WDR43: variants seen among roughly 807,000 people sequenced by gnomAD.
WDR43 encodes the protein WD repeat-containing protein 43.
In WDR43, 13 loss-of-function variants were observed where a neutral mutation model predicts 91.4. The ratio of observed to expected loss-of-function variants is 0.14; its 90% CI spans 0.09 to 0.23. The LOEUF is 0.23. Ranked by LOEUF, WDR43 falls within the 10% of genes least tolerant of loss-of-function variation. The pLI is 1.00. For synonymous variants in WDR43, 331 were observed against 287.9 expected (o/e 1.15, Z -1.51); for missense variants, 780 against 809.4 (o/e 0.96, Z 0.44).
intron 8 of WDR43, among the ~76,000 whole-genome samples, chr2:28,925,640 A>G (rs1005024808): frequency 6.6e-6 from 1 of 152,228 alleles, no homozygotes; most frequent in Non-Finnish European, 1.5e-5. Context: ...ATTGTTTACT[A>G]GAGACGTTTC....
chr2:28,926,668 C>G (rs1671149437), intron 9 of WDR43, 114 bp downstream of exon 9: 1 of 901,788 alleles, frequency 1.1e-6, no homozygotes, highest in South Asian at 2.3e-5. Flanking sequence ...TATCTTTATT[C>G]TCTTGTCTTA....
chr2:28,929,222 T>C (rs1378439113), intron 10 of WDR43, among the ~76,000 whole-genome samples: 2 of 152,180 alleles, frequency 1.3e-5, no homozygotes, highest in African/African-American at 4.8e-5. Context: ...GGGATAGTTA[T>C]AGTGGGGCAA....
At chr2:28,922,821 G>A (rs1247646601) in intron 6 of WDR43, 98 bp from the exon 7 acceptor site, 3 of 391,490 alleles carry the variant, frequency 7.7e-6, no homozygotes, top group Middle Eastern at 4.3e-4. Flanking sequence ...TTTTCTGGTT[G>A]TGTAATGGGG....
chr2:28,894,960 C>T (rs1222016952), intron 1 of WDR43, 37 bp downstream of exon 1: 1 of 1,485,522 alleles, frequency 6.7e-7, no homozygotes, highest in Non-Finnish European at 9.0e-7. Context: ...GGGCGCCTTC[C>T]CGGGCTCGGC....
chr2:28,912,623 C>A lies in WDR43; in HGVS notation c.519C>A (p.Ser173=), dbSNP rs116933549. The part of the protein sequence containing the change: ...KWKGDNSSVS[S]LCISPDGKML... Reference sequence around the variant, plus strand: ...AAGGCGACAATAGCAGTGTCAGTTCCCTATGTATCAGCCCAGATGGAAAGA... The same window carrying A: ...AAGGCGACAATAGCAGTGTCAGTTCACTATGTATCAGCCCAGATGGAAAGA... Residue 173 remains serine, a synonymous_variant, in exon 4 of 18, where the codon TCC becomes TCA. Coordinates refer to ENST00000407426, the MANE Select transcript of WDR43 (RefSeq NM_015131.3). The A allele has an allele frequency of 3.0e-4, 492 of 1,613,860 alleles. 3 individuals carry two copies. The East Asian group carries it at 8.2e-3, about 27-fold the overall frequency.
intron 1 of WDR43, among the ~76,000 whole-genome samples, chr2:28,900,813 A>G (rs994658345): frequency 1.5e-5 from 2 of 132,786 alleles, no homozygotes; most frequent in Non-Finnish European, 3.5e-5. Flanking sequence ...AGGACTTGCA[A>G]GATGTGTATT....
intron 3 of WDR43, among the ~76,000 whole-genome samples, chr2:28,908,477 T>C (rs1670726771): frequency 6.6e-6 from 1 of 152,102 alleles, no homozygotes; most frequent in African/African-American, 2.4e-5. Context: ...AGGTCTGGGG[T>C]AGGGCCTGTG....
chr2:28,895,496 C>G (rs1670462680), intron 1 of WDR43: 2 of 152,324 alleles, frequency 1.3e-5, no homozygotes, highest in Admixed American at 6.5e-5. Flanking sequence ...CCTCTACATT[C>G]TCAGCTTTTT....
At chr2:28,916,898 A>G (rs774406360) in intron 5 of WDR43, among the ~76,000 whole-genome samples, 3 of 151,954 alleles carry the variant, frequency 2.0e-5, no homozygotes, top group Middle Eastern at 3.4e-3. Flanking sequence ...CTATTTAAAG[A>G]TATCTTATTT....
intron 14 of WDR43, among the ~76,000 whole-genome samples, chr2:28,940,550 C>T (rs1240951342): frequency 6.6e-6 from 1 of 152,070 alleles, no homozygotes; most frequent in Non-Finnish European, 1.5e-5. Flanking sequence ...TTCTTAGAGC[C>T]CAGAGATGGG....
At chr2:28,935,662 A>C in intron 12 of WDR43, 55 bp downstream of exon 12, 1 of 1,261,258 alleles carries the variant, frequency 7.9e-7, no homozygotes, top group Non-Finnish European at 1.1e-6. Context: ...TAAATGGAAA[A>C]TTCAGTAGTT....
At chr2:28,936,867 A>G (rs1270461431) in intron 12 of WDR43, 55 bp from the exon 13 acceptor site, 1 of 1,464,068 alleles carries the variant, frequency 6.8e-7, no homozygotes, top group Non-Finnish European at 9.4e-7. Flanking sequence ...ATAGGAATTG[A>G]CAGCATTGGT....
rs1215148677 is a variant in WDR43, at chr2:28,917,878, G to C, written c.747-15G>C. 6.4e-7 allele frequency: 1 copy of C among 1,560,970 alleles called. No individual in the cohort carries two copies. Among genetic ancestry groups the C allele is most frequent in the Admixed American group, 2.0e-5 (1 of 51,044 alleles). On this transcript the variant is annotated splice_polypyrimidine_tract_variant and intron_variant, in intron 5 of 17. Coordinates refer to ENST00000407426, the MANE Select transcript of WDR43 (RefSeq NM_015131.3). Reference sequence around the variant, plus strand: ...AATCTGTCTTGCTATCTAACTTGCTGGTTTTGTTATCTAGGCAGGTCCGAT... The same window carrying C: ...AATCTGTCTTGCTATCTAACTTGCTCGTTTTGTTATCTAGGCAGGTCCGAT...
At chr2:28,945,469 C>T (rs1272781879) in intron 16 of WDR43, among the ~76,000 whole-genome samples, 1 of 152,190 alleles carries the variant, frequency 6.6e-6, no homozygotes, top group Non-Finnish European at 1.5e-5. Context: ...TTTTTCATGA[C>T]ATGGACTTGG....
chr2:28,940,521 C>T (rs909841270), intron 14 of WDR43, among the ~76,000 whole-genome samples: 6 of 152,070 alleles, frequency 3.9e-5, no homozygotes, highest in Non-Finnish European at 7.4e-5. Flanking sequence ...TGAGCCACCG[C>T]GCCCAGCTGC....
intron 3 of WDR43, among the ~76,000 whole-genome samples, chr2:28,910,697 T>TATATATATA (rs373771887): frequency 1.0e-5 from 1 of 100,058 alleles, no homozygotes; most frequent in African/African-American, 3.2e-5. Flanking sequence ...ATATATATAA[T>TATATATATA]TATTATTTTT....
chr2:28,933,915 G>A (rs574036114), intron 11 of WDR43, among the ~76,000 whole-genome samples: 10 of 152,136 alleles, frequency 6.6e-5, no homozygotes, highest in South Asian at 6.2e-4. Context: ...TAACTACTTT[G>A]GAAAACAATT....
chr2:28,914,277 A>G (rs1670864607), intron 5 of WDR43, 69 bp downstream of exon 5: 1 of 1,480,672 alleles, frequency 6.8e-7, no homozygotes, highest in African/African-American at 1.4e-5. Context: ...AGTTAATGTA[A>G]ATTATGAATA....
intron 6 of WDR43, among the ~76,000 whole-genome samples, chr2:28,921,203 C>CT (rs1671018291): frequency 6.6e-6 from 1 of 151,536 alleles, no homozygotes; most frequent in African/African-American, 2.4e-5. Flanking sequence ...TCTCAGCTCA[C>CT]TGCAACCTCT....
Sources: gnomAD v4.1 joint callset for allele counts (sites outside exome capture counted in the v4.1 genomes callset) on GRCh38, gnomAD v4.1.1 for gene constraint, MANE v1.5 for transcripts, NCBI Gene and HGNC (gene_info 2026-07-23, HGNC 2026-07-21) for gene names.